The following RASGEF1A variants were observed in gnomAD, a reference collection of about 807,000 sequenced individuals.
RASGEF1A encodes the protein RasGEF domain family member 1A.
Under a neutral mutation model 56.4 loss-of-function variants are expected in RASGEF1A, and 18 were observed. That is an observed-to-expected ratio of 0.32 (90% confidence interval 0.22 to 0.47). RASGEF1A has a LOEUF of 0.47. RASGEF1A is among the 20% of genes least tolerant of loss of function. The pLI, the probability that RASGEF1A is intolerant of heterozygous loss-of-function variation, is 1.00. For synonymous variants in RASGEF1A, 245 were observed against 242.6 expected, an observed-to-expected ratio of 1.01 and a Z score of -0.09; for missense variants, 422 against 627.1, an observed-to-expected ratio of 0.67 and a Z score of 3.49.
chr10:43,249,638 A>G (rs1456547512), intron 1 of RASGEF1A, among the ~76,000 whole-genome samples: 1 of 152,194 alleles, frequency 6.6e-6, no homozygotes, highest in African/African-American at 2.4e-5. Flanking sequence ...GTCTGCACAC[A>G]GCTCGGGCCA....
chr10:43,263,271 C>T (rs1467004120), intron 1 of RASGEF1A, among the ~76,000 whole-genome samples: 1 of 152,108 alleles, frequency 6.6e-6, no homozygotes, highest in African/African-American at 2.4e-5. Flanking sequence ...GGGAACAAGG[C>T]AGTGGACATC....
chr10:43,209,243 C>T (rs2133192694), intron 1 of RASGEF1A: 1 of 982,412 alleles, frequency 1.0e-6, no homozygotes, highest in African/African-American at 1.7e-5. Context: ...TGAAGAATCC[C>T]AGTTACTCTT....
intron 1 of RASGEF1A, among the ~76,000 whole-genome samples, chr10:43,218,355 C>G (rs1358251506): frequency 2.6e-5 from 4 of 152,242 alleles, no homozygotes; most frequent in Admixed American, 2.6e-4. Flanking sequence ...GGCAGGTGGA[C>G]CCGTTGACCT....
intron 1 of RASGEF1A, among the ~76,000 whole-genome samples, chr10:43,258,398 C>G (rs1836464552): frequency 1.3e-5 from 2 of 152,156 alleles, no homozygotes; most frequent in South Asian, 4.1e-4. Flanking sequence ...TGAAGTCTAG[C>G]CTCGGTCACC....
intron 1 of RASGEF1A, among the ~76,000 whole-genome samples, chr10:43,225,559 GTGGGTGTCTGTGTA>G (rs1197648970): frequency 6.7e-6 from 1 of 149,146 alleles, no homozygotes; most frequent in East Asian, 1.9e-4. Context: ...GTCTCTGTGT[GTGGGTGTCTGTGTA>G]TGGGTGTGTG....
intron 1 of RASGEF1A, among the ~76,000 whole-genome samples, chr10:43,263,005 C>T (rs1836561524): frequency 6.6e-6 from 1 of 152,256 alleles, no homozygotes; most frequent in Non-Finnish European, 1.5e-5. Context: ...AGATGGGGAA[C>T]CTGGGGCAGG....
In RASGEF1A at chr10:43,198,341, G is replaced by A. The variant is rs547379108; in HGVS notation, c.1033-146C>T. 2.3e-5 allele frequency: 15 copies of A among 640,680 alleles called. No homozygotes were observed. The East Asian group carries it at 2.9e-4, about 12-fold the overall frequency. The allele number at this position is 640,680 out of a possible 1,614,324, so 39.7% of individuals were successfully genotyped here. A position where few individuals can be genotyped will look rare whatever the true frequency, so the allele number is the denominator to read the frequency against. On this transcript the variant is annotated intron_variant, in intron 9 of 12. Transcript: ENST00000395810. ...TGGGAGTTAGCACGGGGGAGGGGAC[G>A]CCCAAGGGTGCCTGGCTGAGCCCTG... is the stretch of plus-strand genomic sequence containing the variant.
At chr10:43,265,091 G>A (rs1836600381) in intron 1 of RASGEF1A, among the ~76,000 whole-genome samples, 1 of 152,020 alleles carries the variant, frequency 6.6e-6, no homozygotes. Flanking sequence ...CTGTGTGCGT[G>A]GCTCTCCCCA....
At chr10:43,205,408 C>G (rs1396867885) in intron 2 of RASGEF1A, among the ~76,000 whole-genome samples, 1 of 152,110 alleles carries the variant, frequency 6.6e-6, no homozygotes, top group African/African-American at 2.4e-5. Context: ...AGAACAGTCC[C>G]CGAGTCAGCC....
chr10:43,203,557 T>G (rs1839945291), intron 2 of RASGEF1A, 137 bp from the exon 3 acceptor site: 5 of 1,352,052 alleles, frequency 3.7e-6, no homozygotes, highest in Non-Finnish European at 3.9e-6. Context: ...ACCTGCCCGG[T>G]TCCCTTCGCC....
Position 43,201,835 on chromosome 10 carries a change from G to C in RASGEF1A, c.432C>G (p.Ile144Met). 1 of 1,610,004 alleles carries C rather than the reference G, an allele frequency of 6.2e-7. No individual in the cohort carries two copies. Among genetic ancestry groups the C allele is most frequent in the Non-Finnish European group, 8.5e-7 (1 of 1,177,642 alleles). ...DEKAMAELKA[I>M]THRVTQCDEE... ...CATCACACTGGGTGACACGGTGTGT[G>C]ATGGCTTTCAGCTCGGCCATGGCCT... The change falls in exon 4 of 13, where the codon ATC becomes ATG. Residue 144 changes from isoleucine to methionine, a missense_variant. By Grantham distance (10) the Ile-to-Met change is conservative. Coordinates refer to ENST00000395810, the MANE Select transcript of RASGEF1A (RefSeq NM_145313.4).
At chr10:43,218,704 C>A (rs561613128) in intron 1 of RASGEF1A, among the ~76,000 whole-genome samples, 1 of 152,396 alleles carries the variant, frequency 6.6e-6, no homozygotes, top group East Asian at 1.9e-4. Context: ...CTGGCCAGGG[C>A]AGTCTCAGGG....
At chr10:43,208,425 G>A in intron 1 of RASGEF1A, 1 of 985,620 alleles carries the variant, frequency 1.0e-6, no homozygotes, top group Non-Finnish European at 1.2e-6. Context: ...TAGGAGTTGA[G>A]GAGCCATCCT....
At chr10:43,198,884 G>A (rs756759175) in intron 9 of RASGEF1A, 49 bp downstream of exon 9, 62 of 1,550,822 alleles carry the variant, frequency 4.0e-5, no homozygotes, top group Non-Finnish European at 5.1e-5. Flanking sequence ...GGGCCATTGC[G>A]GGACGAAATG....
In RASGEF1A at chr10:43,196,389, G is replaced by C. The variant is rs940660824; in HGVS notation, c.1421+87C>G. 6.4e-7 allele frequency: 1 copy of C among 1,554,260 alleles called. No individual in the cohort carries two copies. Among genetic ancestry groups the C allele is most frequent in the African/African-American group, 1.4e-5 (1 of 73,644 alleles). On this transcript the variant is annotated intron_variant, in intron 12 of 12. Coordinates refer to ENST00000395810, the MANE Select transcript of RASGEF1A (RefSeq NM_145313.4). This position sits in a 1 kb window ranked among gnomAD's most constrained non-coding sequence, Gnocchi z 4.6. The stretch of plus-strand genomic sequence containing the variant: ...TGGACCAGGGACGCGGCAGTGCCCA[G>C]GCTCCCTTTCCAGGAGGGTAACCCT...
chr10:43,236,323 C>A (rs2133214456), intron 1 of RASGEF1A, among the ~76,000 whole-genome samples: 1 of 152,330 alleles, frequency 6.6e-6, no homozygotes, highest in South Asian at 2.1e-4. Context: ...GTTTGTGTGA[C>A]CTTGTGTGCG....
At chr10:43,261,025 C>T (rs1037406314) in intron 1 of RASGEF1A, among the ~76,000 whole-genome samples, 49 of 152,244 alleles carry the variant, frequency 3.2e-4, no homozygotes, top group African/African-American at 1.1e-3. Flanking sequence ...CTGTGCGCAC[C>T]CACCAGGCTT....
rs375481073 is a variant in RASGEF1A, at chr10:43,197,107, G to A, written c.1225-8C>T. On this transcript the variant is annotated splice_polypyrimidine_tract_variant and splice_region_variant and intron_variant, in intron 10 of 12. Transcript: ENST00000395810. ...GGAGATCTCCCAGAATTTCTGAAGGGAGCAAAACCAACTGATGTTCATCTG... is the reference window on the plus strand; with the variant it reads ...GGAGATCTCCCAGAATTTCTGAAGGAAGCAAAACCAACTGATGTTCATCTG... 7 of 1,613,114 alleles carry A rather than the reference G, an allele frequency of 4.3e-6. No homozygotes were observed. In the African/African-American group the frequency reaches 9.3e-5, roughly 22 times the overall value.
At chr10:43,197,803 A>C (rs1839823867) in intron 10 of RASGEF1A, among the ~76,000 whole-genome samples, 1 of 152,224 alleles carries the variant, frequency 6.6e-6, no homozygotes, top group East Asian at 1.9e-4. Flanking sequence ...CCATCCACCC[A>C]GAAGTACCGG....
Sources: allele counts gnomAD v4.1 joint callset (sites outside exome capture counted in the v4.1 genomes callset), GRCh38; gene constraint gnomAD v4.1.1; non-coding constraint Gnocchi (gnomAD v3.1); transcripts MANE v1.5; gene names NCBI Gene and HGNC (gene_info 2026-07-23, HGNC 2026-07-21).